Variants in LRMDA observed in about 807,000 individuals in gnomAD.
The protein encoded by LRMDA is leucine-rich melanocyte differentiation-associated protein.
A neutral mutation model predicts 29.8 loss-of-function variants in LRMDA; 18 were observed. The observed-to-expected ratio is 0.60, with a 90% confidence interval of 0.42 to 0.90. LRMDA has a LOEUF of 0.90. Among genes scored for constraint, LRMDA ranks in the 40% least tolerant of loss-of-function variants. The pLI is 0.00. For synonymous variants in LRMDA, 125 were observed against 109.4 expected, an observed-to-expected ratio of 1.14 and a Z score of -0.89; for missense variants, 273 against 273.9, an observed-to-expected ratio of 1.00 and a Z score of 0.02.
chr10:76,424,308 C>A (rs545404719), intron 6 of LRMDA, among the ~76,000 whole-genome samples: 1 of 151,974 alleles, frequency 6.6e-6, no homozygotes, highest in African/African-American at 2.4e-5. Flanking sequence ...ACAGGTAGGA[C>A]CACGAGGTCA....
chr10:76,455,723 G>A (rs762048482), intron 6 of LRMDA, among the ~76,000 whole-genome samples: 8 of 152,198 alleles, frequency 5.3e-5, no homozygotes, highest in Non-Finnish European at 1.2e-4. Context: ...GTGGCCCATT[G>A]TCTGGCATAG....
chr10:76,156,460 G>A (rs2132171896), intron 5 of LRMDA, among the ~76,000 whole-genome samples: 1 of 152,252 alleles, frequency 6.6e-6, no homozygotes. Flanking sequence ...AAGAACAAGA[G>A]GGTGGACTAG....
intron 2 of LRMDA, among the ~76,000 whole-genome samples, chr10:75,608,140 A>C (rs964798718): frequency 2.0e-5 from 3 of 148,298 alleles, no homozygotes; most frequent in African/African-American, 7.3e-5. Flanking sequence ...ACACACACAT[A>C]CACAAAGCAA....
chr10:75,641,265 C>T (rs1189931374), intron 2 of LRMDA, among the ~76,000 whole-genome samples: 1 of 152,162 alleles, frequency 6.6e-6, no homozygotes, highest in East Asian at 1.9e-4. Flanking sequence ...TTTGGTTAGA[C>T]GATGGGAGGA....
rs766462443 is a variant in LRMDA, at chr10:76,497,902, C to T, written c.602-59307C>T. 3.2e-4 allele frequency among the ~76,000 whole-genome samples: 24 copies of T among 75,292 alleles called. 9 individuals are homozygous for T. The highest frequency in any genetic ancestry group is 8.0e-4 in the Non-Finnish European group (18 of 22,636). 49.4% of individuals were successfully genotyped at this position (75,292 alleles called of 152,430 possible). The stretch of plus-strand genomic sequence containing the variant: ...TTTTCCTTGGCAAGTACTTTAAATA[C>T]CTTCAACTTGTTTTATCTCTGAACT... On this transcript the variant is annotated intron_variant, in intron 6 of 6. Transcript: ENST00000611255.
chr10:75,487,409 G>A (rs1398131990), intron 2 of LRMDA, among the ~76,000 whole-genome samples: 2 of 152,176 alleles, frequency 1.3e-5, no homozygotes, highest in African/African-American at 2.4e-5. Flanking sequence ...CTCTCTGAGT[G>A]TAATAGTTTC....
At chr10:75,732,228 T>C (rs1257052031) in intron 2 of LRMDA, among the ~76,000 whole-genome samples, 1 of 152,128 alleles carries the variant, frequency 6.6e-6, no homozygotes, top group East Asian at 1.9e-4. Flanking sequence ...GGCTTTGGTG[T>C]AAATCTGGAT....
At chr10:76,217,050 T>G (rs1851741538) in intron 5 of LRMDA, among the ~76,000 whole-genome samples, 1 of 152,202 alleles carries the variant, frequency 6.6e-6, no homozygotes, top group Admixed American at 6.5e-5. Context: ...CAGATGCATT[T>G]AAACAATTGC....
intron 6 of LRMDA, among the ~76,000 whole-genome samples, chr10:76,425,981 T>G (rs554640877): frequency 2.0e-4 from 30 of 152,326 alleles, no homozygotes; most frequent in African/African-American, 7.2e-4. Flanking sequence ...TGTGCCACGT[T>G]TTCTTAATCC....
chr10:75,694,975 G>C (rs1400627757), intron 2 of LRMDA, among the ~76,000 whole-genome samples: 1 of 152,094 alleles, frequency 6.6e-6, no homozygotes, highest in East Asian at 1.9e-4. Context: ...TCCATCAGTG[G>C]GAGCCACAGT....
chr10:76,362,451 CA>C (rs1332721276), intron 6 of LRMDA, among the ~76,000 whole-genome samples: 1 of 152,164 alleles, frequency 6.6e-6, no homozygotes, highest in African/African-American at 2.4e-5. Flanking sequence ...TAGTACTTAG[CA>C]AAGAGTGAAC....
intron 1 of LRMDA, 77 bp from the exon 2 acceptor site, chr10:75,438,317 G>T: frequency 9.0e-7 from 1 of 1,112,626 alleles, no homozygotes; most frequent in Non-Finnish European, 1.3e-6. Flanking sequence ...AGCAATCATT[G>T]GATCAGTAAT....
At chr10:76,427,005 A>G (rs1842134279) in intron 6 of LRMDA, among the ~76,000 whole-genome samples, 1 of 152,166 alleles carries the variant, frequency 6.6e-6, no homozygotes, top group South Asian at 2.1e-4. Context: ...TGGTTACTGT[A>G]GCCTTGTAGT....
intron 6 of LRMDA, among the ~76,000 whole-genome samples, chr10:76,458,135 AAAAACTTGGCTGTTTAATT>A (rs1484965639): frequency 1.4e-5 from 2 of 146,942 alleles, no homozygotes; most frequent in Non-Finnish European, 3.0e-5. Context: ...CAAAAAAAAA[AAAAACTTGGCTGTTTAATT>A]AAAAAAAATT....
chr10:75,567,062 C>T (rs1194499302), intron 2 of LRMDA, among the ~76,000 whole-genome samples: 1 of 152,226 alleles, frequency 6.6e-6, no homozygotes, highest in Non-Finnish European at 1.5e-5. Context: ...ACTTCAACCT[C>T]TTTCCTGAAC....
At chr10:76,020,515 G>T (rs191072791) in intron 2 of LRMDA, among the ~76,000 whole-genome samples, 2 of 152,274 alleles carry the variant, frequency 1.3e-5, no homozygotes, top group Admixed American at 1.3e-4. Flanking sequence ...GGAAATGGGG[G>T]GCTGCCTGAT....
chr10:76,129,943 G>A (rs1482800137), intron 5 of LRMDA, among the ~76,000 whole-genome samples: 1 of 152,108 alleles, frequency 6.6e-6, no homozygotes, highest in Non-Finnish European at 1.5e-5. Context: ...TCTGATTTCA[G>A]TTTCTTCATA....
intron 2 of LRMDA, among the ~76,000 whole-genome samples, chr10:75,549,351 G>T (rs1000983049): frequency 4.6e-5 from 7 of 152,162 alleles, no homozygotes; most frequent in African/African-American, 1.7e-4. Flanking sequence ...ATGAAGGGCT[G>T]CCTGTAAAGG....
At chr10:75,747,509 G>A (rs1842903474) in intron 2 of LRMDA, among the ~76,000 whole-genome samples, 1 of 152,208 alleles carries the variant, frequency 6.6e-6, no homozygotes, top group Admixed American at 6.5e-5. Flanking sequence ...ACACAATTGA[G>A]TAACTACCCC....
Sources: allele counts gnomAD v4.1 joint callset (sites outside exome capture counted in the v4.1 genomes callset), GRCh38; gene constraint gnomAD v4.1.1; transcripts MANE v1.5; gene names NCBI Gene and HGNC (gene_info 2026-07-23, HGNC 2026-07-21).